The following CUL2 variants were observed in gnomAD, a reference collection of about 807,000 sequenced individuals.
CUL2 encodes the protein cullin 2, also known as cullin-2.
Under a neutral mutation model 110.2 loss-of-function variants are expected in CUL2, and 22 were observed. That is an observed-to-expected ratio of 0.20 (90% CI 0.14 to 0.28). The LOEUF (loss-of-function observed/expected upper bound fraction) is 0.28. Ranked by LOEUF, CUL2 falls within the 10% of genes least tolerant of loss-of-function variation. The pLI is 1.00. For synonymous variants in CUL2, 279 were observed against 293.2 expected, an observed-to-expected ratio of 0.95 and a Z score of 0.49; for missense variants, 631 against 905.5, an observed-to-expected ratio of 0.70 and a Z score of 3.89.
At chr10:35,080,572 C>T (rs2086923433) in intron 1 of CUL2, among the ~76,000 whole-genome samples, 2 of 152,112 alleles carry the variant, frequency 1.3e-5, no homozygotes, top group Admixed American at 1.3e-4. Flanking sequence ...ATCCTCCCGC[C>T]TCAGCCTCCT....
At chr10:35,038,862 GGAT>G (rs2085702426) in intron 9 of CUL2, 55 bp downstream of exon 9, 2 of 1,164,552 alleles carry the variant, frequency 1.7e-6, no homozygotes, top group Non-Finnish European at 2.4e-6. Flanking sequence ...GGTGACTAGA[GGAT>G]GATATAAAAG....
chr10:35,042,535 T>C (rs73258730), intron 8 of CUL2, among the ~76,000 whole-genome samples: 118 of 152,208 alleles, frequency 7.8e-4, no homozygotes, highest in African/African-American at 2.7e-3. Flanking sequence ...GCCCTACCTT[T>C]CTGACTGTGG....
At chr10:35,050,560 C>T (rs1346024729) in intron 5 of CUL2, among the ~76,000 whole-genome samples, 1 of 152,158 alleles carries the variant, frequency 6.6e-6, no homozygotes, top group Non-Finnish European at 1.5e-5. Context: ...AATACAACTT[C>T]ATCATTACCA....
At chr10:35,117,116 A>G (rs1413937632) in intron 1 of CUL2, among the ~76,000 whole-genome samples, 1 of 151,896 alleles carries the variant, frequency 6.6e-6, no homozygotes, top group Non-Finnish European at 1.5e-5. Flanking sequence ...TTCCCAGGAC[A>G]AAAAACTGGT....
chr10:35,069,234 G>A (rs1235610822), intron 2 of CUL2, among the ~76,000 whole-genome samples: 1 of 151,934 alleles, frequency 6.6e-6, no homozygotes, highest in Admixed American at 6.6e-5. Context: ...ATGATCAGGT[G>A]AAAAATAACT....
intron 2 of CUL2, among the ~76,000 whole-genome samples, chr10:35,068,028 T>A (rs2086578457): frequency 6.7e-6 from 1 of 148,450 alleles, no homozygotes; most frequent in South Asian, 2.1e-4. Context: ...GAGAATGGCA[T>A]GAACCCGGGA....
At chr10:35,090,756 T>G (rs150750984), upstream of CUL2, 1 of 152,450 alleles carries the variant, frequency 6.6e-6, no homozygotes, top group African/African-American at 2.4e-5. Flanking sequence ...AATGAGGCAA[T>G]TGCGGTTCGC....
At chr10:35,016,058 G>A (rs1039864840) in intron 18 of CUL2, 134 bp downstream of exon 18, 16 of 700,896 alleles carry the variant, frequency 2.3e-5, no homozygotes, top group South Asian at 9.3e-5. Context: ...TCTATGGAGC[G>A]TACAGTAACG....
chr10:35,060,806 A>G, intron 4 of CUL2, 68 bp downstream of exon 4: 3 of 1,269,492 alleles, frequency 2.4e-6, no homozygotes, highest in Non-Finnish European at 3.4e-6. Flanking sequence ...CAATAAAAAA[A>G]TTATCCTGTC....
At position 35,013,675 on chromosome 10, in the gene CUL2, A is replaced by C. The variant is rs780320101; in HGVS notation, c.1989+24T>G. 11 of 1,463,224 alleles carry C rather than the reference A, an allele frequency of 7.5e-6. No individual in the cohort carries two copies. The Admixed American group carries it at 2.2e-4, about 29-fold the overall frequency. 90.6% of individuals were successfully genotyped at this position (1,463,224 alleles called of 1,614,324 possible). ...TGCTTAAATGTTTCCCCCTCAAAAA[A>C]AACTTGACATTAAAAGCACTTACTT... On this transcript the variant is annotated intron_variant, in intron 19 of 20. Transcript: ENST00000374749.
rs1453105835 is a variant in CUL2, at chr10:35,029,680, AAAT to A, written c.1387-43_1387-41del. 3.5e-6 allele frequency: 5 copies of A among 1,441,302 alleles called. No individual in the cohort carries two copies. The East Asian group carries it at 1.2e-4, about 34-fold the overall frequency. The allele number at this position is 1,441,302 out of a possible 1,614,324, so 89.3% of individuals were successfully genotyped here. On this transcript the variant is annotated intron_variant, in intron 14 of 20. Coordinates refer to ENST00000374749, the MANE Select transcript of CUL2 (RefSeq NM_003591.4). ...TAGAAAATACATGAATTCAAAAGAA[AAAT>A]AATAAGTCATATTGGTTAATAATAA...
chr10:35,076,037 A>C (rs1474954251), intron 1 of CUL2, among the ~76,000 whole-genome samples: 1 of 152,172 alleles, frequency 6.6e-6, no homozygotes, highest in African/African-American at 2.4e-5. Context: ...GTGTCTATCA[A>C]CTGATAAATG....
At chr10:35,053,173 A>C (rs991851139) in intron 5 of CUL2, among the ~76,000 whole-genome samples, 2 of 152,218 alleles carry the variant, frequency 1.3e-5, no homozygotes, top group Admixed American at 6.5e-5. Flanking sequence ...TAAATTGTTT[A>C]CAGTGATTTT....
intron 1 of CUL2, among the ~76,000 whole-genome samples, chr10:35,103,724 T>G (rs1173947777): frequency 6.6e-6 from 1 of 152,054 alleles, no homozygotes; most frequent in Non-Finnish European, 1.5e-5. Context: ...CCTCCTAAAG[T>G]GCTGGGATTA....
At chr10:35,074,953 C>T (rs1051929371) in intron 1 of CUL2, among the ~76,000 whole-genome samples, 3 of 152,160 alleles carry the variant, frequency 2.0e-5, no homozygotes, top group African/African-American at 7.2e-5. Context: ...TAACTGCGTA[C>T]CAAAAAGCTA....
chr10:35,022,504 T>C (rs1001841172), intron 17 of CUL2, among the ~76,000 whole-genome samples: 1 of 152,228 alleles, frequency 6.6e-6, no homozygotes, highest in African/African-American at 2.4e-5. Flanking sequence ...CTCTGAGAGA[T>C]CTGTCCAGCC....
chr10:35,116,141 G>C (rs1246277410), intron 1 of CUL2, among the ~76,000 whole-genome samples: 2 of 152,106 alleles, frequency 1.3e-5, no homozygotes, highest in Non-Finnish European at 2.9e-5. Context: ...TCAGGAGTTT[G>C]AGACTAGGCT....
intron 1 of CUL2, among the ~76,000 whole-genome samples, chr10:35,075,627 G>A (rs1283604849): frequency 7.6e-6 from 1 of 130,866 alleles, no homozygotes; most frequent in African/African-American, 2.9e-5. Context: ...GCCACTTATG[G>A]GCCCTAAAAC....
intron 8 of CUL2, among the ~76,000 whole-genome samples, chr10:35,040,728 A>G (rs773886179): frequency 3.3e-5 from 5 of 152,132 alleles, no homozygotes; most frequent in Non-Finnish European, 5.9e-5. Context: ...CCACAGACGG[A>G]GTGCGGGCGG....
Sources: gnomAD v4.1 joint callset for allele counts (sites outside exome capture counted in the v4.1 genomes callset) on GRCh38, gnomAD v4.1.1 for gene constraint, MANE v1.5 for transcripts, NCBI Gene and HGNC (gene_info 2026-07-23, HGNC 2026-07-21) for gene names.